PCDH15: variants seen among roughly 807,000 people sequenced by gnomAD.
PCDH15 encodes the protein protocadherin related 15.
In PCDH15, 129 loss-of-function variants were observed where a neutral mutation model predicts 178.5. That is an observed-to-expected ratio of 0.72 (90% confidence interval 0.63 to 0.84). The LOEUF (loss-of-function observed/expected upper bound fraction) is 0.84. Ranked by LOEUF, PCDH15 falls within the 40% of genes least tolerant of loss-of-function variation. The pLI is 0.00. For synonymous variants in PCDH15, 800 were observed against 732.0 expected, an observed-to-expected ratio of 1.09 and a Z score of -1.50; for missense variants, 2,230 against 2,099.9, an observed-to-expected ratio of 1.06 and a Z score of -1.21.
intron 3 of PCDH15, among the ~76,000 whole-genome samples, chr10:54,440,393 T>G (rs553819929): frequency 6.6e-6 from 1 of 152,004 alleles, no homozygotes; most frequent in Non-Finnish European, 1.5e-5. Context: ...TTATGCTATT[T>G]GCCAAGTAAA....
At chr10:54,725,480 G>A (rs558978090) in intron 1 of PCDH15, among the ~76,000 whole-genome samples, 14 of 145,514 alleles carry the variant, frequency 9.6e-5, no homozygotes, top group Non-Finnish European at 1.7e-4. Flanking sequence ...AGTCTGAGAC[G>A]AGTCTGTGCA....
At chr10:54,426,893 T>C (rs1307666773) in intron 3 of PCDH15, among the ~76,000 whole-genome samples, 1 of 151,992 alleles carries the variant, frequency 6.6e-6, no homozygotes, top group Non-Finnish European at 1.5e-5. Context: ...TTAAAATAGT[T>C]TTCCCATGAG....
intron 2 of PCDH15, among the ~76,000 whole-genome samples, chr10:55,454,618 A>G (rs1396445679): frequency 3.0e-4 from 19 of 64,168 alleles, no homozygotes; most frequent in Admixed American, 3.3e-4. Flanking sequence ...TCTACTAAAA[A>G]TGCAAAAAAA....
At chr10:54,108,082 G>A (rs1036151181) in intron 15 of PCDH15, among the ~76,000 whole-genome samples, 3 of 152,134 alleles carry the variant, frequency 2.0e-5, no homozygotes, top group Non-Finnish European at 4.4e-5. Flanking sequence ...AGTCTACAGT[G>A]GGATGTCAAA....
At chr10:55,599,792 C>T (rs972955212) in intron 2 of PCDH15, 6 of 505,344 alleles carry the variant, frequency 1.2e-5, no homozygotes, top group Non-Finnish European at 2.0e-5. Flanking sequence ...CCTAGCATTG[C>T]TAGTATTAGA....
At chr10:54,009,509 T>A (rs61858370) in intron 20 of PCDH15, among the ~76,000 whole-genome samples, 9,624 of 151,946 alleles carry the variant, frequency 0.063, 417 homozygotes, top group East Asian at 0.21. Flanking sequence ...GCGAAAGAGG[T>A]GGGGGCCAAG....
intron 2 of PCDH15, among the ~76,000 whole-genome samples, chr10:55,014,056 C>T (rs1243664127): frequency 6.6e-6 from 1 of 151,890 alleles, no homozygotes; most frequent in Non-Finnish European, 1.5e-5. Context: ...TAAATAATTA[C>T]TTAAGGCAAA....
chr10:55,314,191 G>C (rs916004382), intron 1 of PCDH15, among the ~76,000 whole-genome samples: 9 of 123,272 alleles, frequency 7.3e-5, no homozygotes. Context: ...CATTATATAT[G>C]TTTGTGTGTA....
chr10:54,004,920 C>T (rs1418287396), intron 20 of PCDH15, among the ~76,000 whole-genome samples: 1 of 148,176 alleles, frequency 6.7e-6, no homozygotes, highest in South Asian at 2.2e-4. Flanking sequence ...TATTACAGAG[C>T]TATAGTAAAC....
Position 54,386,490 on chromosome 10 carries a change from CATA to C in PCDH15, c.158-7551_158-7549del, listed in dbSNP as rs554903206. On this transcript the variant is annotated intron_variant, in intron 3 of 37. Transcript: ENST00000644397. ...ACTTGAATATGTTTTATTATTTATA[CATA>C]ATATTATTCAAATATTAATCAGAGA... Among the ~76,000 whole-genome samples, 271 of 152,056 alleles carry C rather than the reference CATA, an allele frequency of 1.8e-3. 3 individuals carry two copies. Among genetic ancestry groups the C allele is most frequent in the African/African-American group, 4.0e-3 (164 of 41,510 alleles).
intron 2 of PCDH15, among the ~76,000 whole-genome samples, chr10:55,457,639 T>G (rs1012225549): frequency 1.3e-5 from 2 of 152,014 alleles, no homozygotes; most frequent in African/African-American, 4.8e-5. Context: ...AAACTAAAGC[T>G]AGGATAGGGT....
chr10:53,809,363 C>G (rs150023169), intron 37 of PCDH15: 1 of 1,613,852 alleles, frequency 6.2e-7, no homozygotes, highest in African/African-American at 1.3e-5. Context: ...TCAAGGTCAA[C>G]GATTCCTCTT....
intron 1 of PCDH15, among the ~76,000 whole-genome samples, chr10:54,787,422 C>T (rs559547278): frequency 1.3e-5 from 2 of 151,982 alleles, no homozygotes; most frequent in Admixed American, 6.6e-5. Context: ...TAAGTTTTTA[C>T]ATATCATTAT....
At chr10:55,063,028 C>G (rs1456231850) in intron 2 of PCDH15, among the ~76,000 whole-genome samples, 1 of 152,018 alleles carries the variant, frequency 6.6e-6, no homozygotes, top group Non-Finnish European at 1.5e-5. Context: ...TCATTATGAG[C>G]CCCATATTGG....
intron 15 of PCDH15, among the ~76,000 whole-genome samples, chr10:54,112,036 G>C (rs535623314): frequency 4.0e-5 from 6 of 151,308 alleles, no homozygotes; most frequent in Middle Eastern, 3.5e-3. Context: ...CCAGCTACTC[G>C]GGAGGCTGAA....
At chr10:54,377,443 A>G (rs1485178595) in intron 4 of PCDH15, among the ~76,000 whole-genome samples, 1 of 152,132 alleles carries the variant, frequency 6.6e-6, no homozygotes, top group Non-Finnish European at 1.5e-5. Context: ...GCTTTGATGA[A>G]TGAACCCCTA....
At chr10:53,823,398 T>C (rs1564541200) in intron 32 of PCDH15, 2 of 1,559,876 alleles carry the variant, frequency 1.3e-6, no homozygotes, top group Non-Finnish European at 1.8e-6. Context: ...AGGAAACAAG[T>C]TGTGACACAG....
In PCDH15 at chr10:54,812,366, G is replaced by T. The variant is rs563102154; in HGVS notation, c.-29+85084C>A. Among the ~76,000 whole-genome samples, 555 of 151,668 alleles carry T rather than the reference G, an allele frequency of 3.7e-3. 1 individual carries two copies. The highest frequency in any genetic ancestry group is 0.013 in the African/African-American group (534 of 41,314). ...GCTCATTGCAACCTCTGCCTCCTGG[G>T]TTCAAGCGATTCTCCTGCCTCAGCC... On this transcript the variant is annotated intron_variant, in intron 3 of 5. Transcript: ENST00000458638.
intron 3 of PCDH15, among the ~76,000 whole-genome samples, chr10:54,491,292 T>G (rs188155275): frequency 1.4e-5 from 2 of 141,422 alleles, no homozygotes; most frequent in East Asian, 4.1e-4. Flanking sequence ...AACAAAGTAT[T>G]ATCCCTATGA....
Sources: allele counts gnomAD v4.1 joint callset (sites outside exome capture counted in the v4.1 genomes callset), GRCh38; gene constraint gnomAD v4.1.1; transcripts MANE v1.5; gene names NCBI Gene and HGNC (gene_info 2026-07-23, HGNC 2026-07-21).